DIAPH3: variants seen among roughly 807,000 people sequenced by gnomAD.
The protein encoded by DIAPH3 is protein diaphanous homolog 3.
Under a neutral mutation model 144.3 loss-of-function variants are expected in DIAPH3, and 117 were observed. The observed-to-expected ratio is 0.81, with a 90% CI of 0.70 to 0.95. The LOEUF (loss-of-function observed/expected upper bound fraction) is 0.95. DIAPH3 is among the 40% of genes least tolerant of loss of function. The pLI is 0.00. For missense variants in DIAPH3, 1,421 were observed against 1,412.7 expected (o/e 1.01, Z -0.09); for synonymous variants, 519 against 488.9 (o/e 1.06, Z -0.81).
chr13:59,737,567 G>A (rs539015641), intron 27 of DIAPH3, among the ~76,000 whole-genome samples: 2 of 152,258 alleles, frequency 1.3e-5, no homozygotes, highest in East Asian at 3.9e-4. Context: ...TAGTGAGTAA[G>A]GCAGCAATAA....
intron 27 of DIAPH3, among the ~76,000 whole-genome samples, chr13:59,681,216 CCAA>C (rs1384060138): frequency 6.6e-6 from 1 of 152,042 alleles, no homozygotes; most frequent in Non-Finnish European, 1.5e-5. Flanking sequence ...GCCTGTAATC[CCAA>C]CATTTTTTTG....
chr13:59,847,922 C>A (rs1014925539), intron 22 of DIAPH3, among the ~76,000 whole-genome samples: 1 of 152,166 alleles, frequency 6.6e-6, no homozygotes, highest in African/African-American at 2.4e-5. Context: ...ACCTTAAACT[C>A]ACTTTTCCAA....
At chr13:59,990,330 G>A (rs951416571) in intron 12 of DIAPH3, among the ~76,000 whole-genome samples, 2 of 151,710 alleles carry the variant, frequency 1.3e-5, no homozygotes, top group African/African-American at 2.4e-5. Context: ...CGAGGACACA[G>A]CCTGAATGAA....
chr13:59,820,632 CCTT>C lies in DIAPH3; in HGVS notation c.3028-9712_3028-9710del, dbSNP rs565949152. On this transcript the variant is annotated intron_variant, in intron 24 of 27. Transcript: ENST00000400324. ...AAAAAATCAATGTGCATTTTCCCCTCCTTCTAAAAAAAGCATTATAAACAGCCT... is the reference window on the plus strand; with the variant it reads ...AAAAAATCAATGTGCATTTTCCCCTCCTAAAAAAAGCATTATAAACAGCCT... 3.8e-3 allele frequency among the ~76,000 whole-genome samples: 577 copies of C among 151,638 alleles called. 3 individuals carry two copies. The highest frequency in any genetic ancestry group is 0.013 in the African/African-American group (551 of 41,458).
At chr13:59,994,382 C>T (rs970015766) in intron 9 of DIAPH3, among the ~76,000 whole-genome samples, 4 of 151,830 alleles carry the variant, frequency 2.6e-5, no homozygotes, top group African/African-American at 7.3e-5. Flanking sequence ...TACATACCTG[C>T]GGTATCACAC....
At chr13:59,870,669 T>TG (rs2044205571) in intron 21 of DIAPH3, among the ~76,000 whole-genome samples, 1 of 151,144 alleles carries the variant, frequency 6.6e-6, no homozygotes, top group Non-Finnish European at 1.5e-5. Flanking sequence ...GTAGGTGTTT[T>TG]TTTTTTTTTT....
rs1228610857 is a variant in DIAPH3, at chr13:59,769,677, C to CTATGTG, written c.3319+4511_3319+4512insCACATA. Among the ~76,000 whole-genome samples, 294 of 151,952 alleles carry CTATGTG rather than the reference C, an allele frequency of 1.9e-3. 5 individuals carry two copies. In the East Asian group the frequency reaches 0.024, roughly 12 times the overall value. On this transcript the variant is annotated intron_variant, in intron 27 of 27. Coordinates refer to ENST00000400324, the MANE Select transcript of DIAPH3 (RefSeq NM_001042517.2). ...CTCTCACTTACACTTTAGTTCCATACTAACTATGGGGACCTGTCATTTTCA... is the reference window on the plus strand; with the variant it reads ...CTCTCACTTACACTTTAGTTCCATACTATGTGTAACTATGGGGACCTGTCATTTTCA...
intron 23 of DIAPH3, among the ~76,000 whole-genome samples, chr13:59,833,550 A>G (rs751699353): frequency 6.6e-5 from 10 of 151,802 alleles, no homozygotes; most frequent in African/African-American, 9.7e-5. Context: ...CCAACTTACT[A>G]TAATAATATA....
intron 4 of DIAPH3, among the ~76,000 whole-genome samples, chr13:60,079,488 T>G (rs1375212475): frequency 2.0e-5 from 3 of 152,014 alleles, no homozygotes; most frequent in Non-Finnish European, 4.4e-5. Flanking sequence ...TTAAAAAAAC[T>G]TATCTTAAAA....
At chr13:59,801,810 C>T (rs1252120924) in intron 25 of DIAPH3, among the ~76,000 whole-genome samples, 1 of 152,188 alleles carries the variant, frequency 6.6e-6, no homozygotes, top group East Asian at 1.9e-4. Flanking sequence ...AATCCTATTA[C>T]AAAATAATGT....
intron 24 of DIAPH3, among the ~76,000 whole-genome samples, chr13:59,819,841 A>G (rs2040966473): frequency 6.6e-6 from 1 of 151,820 alleles, no homozygotes; most frequent in Admixed American, 6.6e-5. Flanking sequence ...AATTGAAATC[A>G]TATTGTTTGG....
chr13:59,995,328 C>T (rs559394027), intron 9 of DIAPH3, among the ~76,000 whole-genome samples: 2 of 151,850 alleles, frequency 1.3e-5, no homozygotes, highest in Non-Finnish European at 2.9e-5. Context: ...AAAAATGTAG[C>T]ATATGATCTC....
intron 22 of DIAPH3, among the ~76,000 whole-genome samples, chr13:59,847,317 T>A (rs537909745): frequency 1.3e-5 from 2 of 152,146 alleles, no homozygotes; most frequent in Non-Finnish European, 2.9e-5. Flanking sequence ...AATGCCTTCA[T>A]CTGCTATGGA....
chr13:59,670,110 T>C (rs545887816), intron 27 of DIAPH3, among the ~76,000 whole-genome samples: 1 of 152,322 alleles, frequency 6.6e-6, no homozygotes, highest in African/African-American at 2.4e-5. Flanking sequence ...AAAGCATTTC[T>C]ATCCTTTTGA....
chr13:60,031,656 A>G (rs988801834), intron 5 of DIAPH3, among the ~76,000 whole-genome samples: 1 of 151,006 alleles, frequency 6.6e-6, no homozygotes, highest in Non-Finnish European at 1.5e-5. Flanking sequence ...TCCCATTCCA[A>G]ATGGGAGAAA....
At chr13:60,119,820 C>T (rs1385759897) in intron 2 of DIAPH3, among the ~76,000 whole-genome samples, 1 of 150,144 alleles carries the variant, frequency 6.7e-6, no homozygotes, top group Non-Finnish European at 1.5e-5. Context: ...TGGGGCAACT[C>T]GTTATATACC....
chr13:59,804,622 C>T (rs2040098487), intron 25 of DIAPH3, among the ~76,000 whole-genome samples: 1 of 152,026 alleles, frequency 6.6e-6, no homozygotes, highest in Non-Finnish European at 1.5e-5. Flanking sequence ...AATGTCTGTT[C>T]TATAAATGAT....
At chr13:60,096,471 T>C (rs1307012407) in intron 3 of DIAPH3, among the ~76,000 whole-genome samples, 1 of 152,152 alleles carries the variant, frequency 6.6e-6, no homozygotes, top group Non-Finnish European at 1.5e-5. Flanking sequence ...GGTTGGTTAA[T>C]TTTAGGTGTG....
rs890760672 is a variant in DIAPH3 at position 59,685,801 on chromosome 13, T to G, written c.3320-18955A>C. ...CAGGAGATCTAAGCAGCTACAGGCTTAAAGATTTTGTAGTAACAGTTGGAG... is the reference window on the plus strand; with the variant it reads ...CAGGAGATCTAAGCAGCTACAGGCTGAAAGATTTTGTAGTAACAGTTGGAG... On this transcript the variant is annotated intron_variant, in intron 27 of 27. Coordinates refer to ENST00000400324, the MANE Select transcript of DIAPH3 (RefSeq NM_001042517.2). Among the ~76,000 whole-genome samples the G allele has an allele frequency of 5.9e-5, 9 of 152,276 alleles. 2 individuals are homozygous for G. In the South Asian group the frequency reaches 1.9e-3, roughly 32 times the overall value.
Sources: gnomAD v4.1 joint callset for allele counts (sites outside exome capture counted in the v4.1 genomes callset) on GRCh38, gnomAD v4.1.1 for gene constraint, MANE v1.5 for transcripts, NCBI Gene and HGNC (gene_info 2026-07-23, HGNC 2026-07-21) for gene names.